The following SAMD5 variants were observed in gnomAD, a reference collection of about 807,000 sequenced individuals.
SAMD5 encodes the protein sterile alpha motif domain containing 5, also known as sterile alpha motif domain-containing protein 5.
Under a neutral mutation model 11.3 loss-of-function variants are expected in SAMD5, and 13 were observed. That is an observed-to-expected ratio of 1.15 (90% CI 0.75 to 1.83). The LOEUF is 1.83. Ranked by LOEUF, SAMD5 falls within the 40% of genes most tolerant of loss-of-function variation. The pLI is 0.00. For missense variants in SAMD5, 255 were observed against 239.1 expected (o/e 1.07, Z -0.44); for synonymous variants, 129 against 111.3 (o/e 1.16, Z -1.00).
chr6:147,652,499 G>A (rs889307794), intron 1 of SAMD5, among the ~76,000 whole-genome samples: 4 of 152,128 alleles, frequency 2.6e-5, no homozygotes, highest in African/African-American at 4.8e-5. Context: ...TAGCAATCAT[G>A]GAGGAGGCTC....
intron 1 of SAMD5, among the ~76,000 whole-genome samples, chr6:147,630,338 T>C (rs1312908311): frequency 6.6e-6 from 1 of 152,140 alleles, no homozygotes; most frequent in Non-Finnish European, 1.5e-5. Flanking sequence ...TACTACAGGA[T>C]TGATGTGAGA....
the SAMD5 span, among the ~76,000 whole-genome samples, chr6:147,904,618 T>C: frequency 3.1e-3 from 471 of 152,332 alleles, 2 homozygotes; most frequent in African/African-American, 0.01. Flanking sequence ...GTCACAAAAG[T>C]CAGTGACTCA....
At chr6:147,533,279 C>T (rs1788457202) in intron 1 of SAMD5, among the ~76,000 whole-genome samples, 1 of 151,426 alleles carries the variant, frequency 6.6e-6, no homozygotes, top group African/African-American at 2.4e-5. Flanking sequence ...CATGGTAGAC[C>T]TACTGATCAA....
chr6:147,918,615 A>C, the SAMD5 span, among the ~76,000 whole-genome samples: 1 of 151,916 alleles, frequency 6.6e-6, no homozygotes, highest in Non-Finnish European at 1.5e-5. Flanking sequence ...TCAGCCCAAA[A>C]TCTCCTTAAG....
chr6:147,918,136 C>G, the SAMD5 span, among the ~76,000 whole-genome samples: 1 of 152,256 alleles, frequency 6.6e-6, no homozygotes, highest in East Asian at 1.9e-4. Flanking sequence ...TTGAATCAAT[C>G]TATAAATTGC....
In SAMD5 at chr6:147,671,222, A is replaced by G. The variant is rs375231144; in HGVS notation, c.163-66095A>G. 5.3e-5 allele frequency among the ~76,000 whole-genome samples: 8 copies of G among 152,318 alleles called. No homozygotes were observed. The East Asian group carries it at 1.5e-3, about 29-fold the overall frequency. Reference sequence around the variant, plus strand: ...ACCCCGCAACAACTACAGGGGTAACATCAAAGGTCTCTGATCACAGATCAC... The same window carrying G: ...ACCCCGCAACAACTACAGGGGTAACGTCAAAGGTCTCTGATCACAGATCAC... On this transcript the variant is annotated intron_variant, in intron 1 of 1. Coordinates refer to the SAMD5 transcript ENST00000566741.
chr6:147,666,414 G>A (rs1017715122), intron 1 of SAMD5, among the ~76,000 whole-genome samples: 1 of 152,152 alleles, frequency 6.6e-6, no homozygotes, highest in Non-Finnish European at 1.5e-5. Context: ...CACATGCTGT[G>A]CGTGAGAACA....
At chr6:147,835,771 C>T in the SAMD5 span, among the ~76,000 whole-genome samples, 2 of 152,068 alleles carry the variant, frequency 1.3e-5, no homozygotes, top group Non-Finnish European at 1.5e-5. Flanking sequence ...TATTTCTTCC[C>T]CTCCACTTGT....
At chr6:147,851,407 C>G in the SAMD5 span, among the ~76,000 whole-genome samples, 1 of 152,136 alleles carries the variant, frequency 6.6e-6, no homozygotes, top group South Asian at 2.1e-4. Context: ...GAACATACCC[C>G]CCTCAAATAA....
At chr6:147,573,109 C>T (rs943216992), downstream of SAMD5, among the ~76,000 whole-genome samples, 5 of 152,114 alleles carry the variant, frequency 3.3e-5, no homozygotes, top group Non-Finnish European at 5.9e-5. Flanking sequence ...CTGATATATA[C>T]GGATTACATG....
At chr6:147,779,388 C>T in the SAMD5 span, among the ~76,000 whole-genome samples, 1 of 151,914 alleles carries the variant, frequency 6.6e-6, no homozygotes, top group Non-Finnish European at 1.5e-5. Flanking sequence ...ATTAGTATGA[C>T]CACAGAACTT....
At chr6:147,923,156 T>C in the SAMD5 span, among the ~76,000 whole-genome samples, 8 of 152,272 alleles carry the variant, frequency 5.3e-5, no homozygotes, top group East Asian at 1.5e-3. Context: ...GTGTTGAAAC[T>C]AAAGGAAAAC....
the SAMD5 span, among the ~76,000 whole-genome samples, chr6:147,860,725 A>G: frequency 6.6e-6 from 1 of 152,212 alleles, no homozygotes; most frequent in South Asian, 2.1e-4. Context: ...TAGGAACACA[A>G]GAATTAAGAG....
chr6:147,703,794 G>C (rs58521224), intron 1 of SAMD5, among the ~76,000 whole-genome samples: 4,109 of 152,146 alleles, frequency 0.027, 201 homozygotes, highest in African/African-American at 0.093. Flanking sequence ...AGCATCCATG[G>C]GCAGTGCTGG....
At chr6:147,791,209 C>T in the SAMD5 span, among the ~76,000 whole-genome samples, 3 of 152,008 alleles carry the variant, frequency 2.0e-5, no homozygotes, top group South Asian at 2.1e-4. Flanking sequence ...GCAGGAAAAT[C>T]GCTTGAACCC....
the SAMD5 span, among the ~76,000 whole-genome samples, chr6:147,794,039 C>A: frequency 6.6e-6 from 1 of 152,106 alleles, no homozygotes; most frequent in Non-Finnish European, 1.5e-5. Flanking sequence ...TAAAAACTTG[C>A]CTCCAAGGTG....
chr6:147,635,617 A>G (rs1286634307), intron 1 of SAMD5, among the ~76,000 whole-genome samples: 1 of 152,002 alleles, frequency 6.6e-6, no homozygotes, highest in East Asian at 1.9e-4. Context: ...GGTGCTTTCT[A>G]CCCCTCTAAC....
chr6:147,591,994 C>G (rs1789461422), intron 1 of SAMD5, among the ~76,000 whole-genome samples: 2 of 152,046 alleles, frequency 1.3e-5, no homozygotes, highest in African/African-American at 2.4e-5. Context: ...TTAGGAAAAA[C>G]AGATCAGAGT....
At chr6:147,715,591 C>T (rs1490948260) in intron 1 of SAMD5, among the ~76,000 whole-genome samples, 4 of 152,182 alleles carry the variant, frequency 2.6e-5, no homozygotes, top group African/African-American at 4.8e-5. Flanking sequence ...CACATTGAGG[C>T]GAGCAAGGGG....
Sources: gnomAD v4.1 joint callset for allele counts (sites outside exome capture counted in the v4.1 genomes callset) on GRCh38, gnomAD v4.1.1 for gene constraint, MANE v1.5 for transcripts, NCBI Gene and HGNC (gene_info 2026-07-23, HGNC 2026-07-21) for gene names.